The following PUM3 variants were observed in gnomAD, a reference collection of about 807,000 sequenced individuals.
PUM3 encodes the protein pumilio RNA binding family member 3, also known as pumilio homolog 3.
PUM3 carries 91 observed loss-of-function variants against 84.0 expected under a neutral mutation model. That is an observed-to-expected ratio of 1.08 (90% CI 0.91 to 1.29). The LOEUF (loss-of-function observed/expected upper bound fraction) is 1.29, where lower values mean the gene tolerates loss of function less well. Among genes scored for constraint, PUM3 ranks in the 50% most tolerant of loss-of-function variants. The pLI is 0.00. For missense variants in PUM3, 1,067 were observed against 767.5 expected (o/e 1.39, Z -4.61); for synonymous variants, 321 against 266.7 (o/e 1.20, Z -1.98).
chr9:2,837,158 G>A (rs756691390), intron 3 of PUM3, 22 bp downstream of exon 3: 1 of 1,594,992 alleles, frequency 6.3e-7, no homozygotes, highest in Non-Finnish European at 8.6e-7. Flanking sequence ...ACTAGTTCAG[G>A]CATGAACGAA....
chr9:2,840,724 C>A (rs980284163), intron 1 of PUM3, among the ~76,000 whole-genome samples: 1 of 152,170 alleles, frequency 6.6e-6, no homozygotes, highest in African/African-American at 2.4e-5. Context: ...GTCCTTTTGA[C>A]GCGGCCCAAC....
chr9:2,839,784 G>C (rs1378770663), intron 1 of PUM3, among the ~76,000 whole-genome samples: 1 of 152,174 alleles, frequency 6.6e-6, no homozygotes, highest in African/African-American at 2.4e-5. Flanking sequence ...TTCTACACCT[G>C]TAGTTTTCTA....
chr9:2,814,581 T>C (rs2129805924), intron 13 of PUM3, among the ~76,000 whole-genome samples: 1 of 152,332 alleles, frequency 6.6e-6, no homozygotes, highest in South Asian at 2.1e-4. Context: ...GCCTTTAGTG[T>C]ACCTTTAGGT....
At chr9:2,806,129 T>A (rs1487376025) in intron 17 of PUM3, among the ~76,000 whole-genome samples, 1 of 152,244 alleles carries the variant, frequency 6.6e-6, no homozygotes, top group East Asian at 1.9e-4. Context: ...ATGGGAGTTC[T>A]GATTGATGAA....
chr9:2,832,553 A>G (rs972548268), intron 5 of PUM3, among the ~76,000 whole-genome samples: 2 of 152,228 alleles, frequency 1.3e-5, no homozygotes, highest in African/African-American at 4.8e-5. Context: ...GGATTTGAAT[A>G]CCAAACTCAC....
rs1211469545 is a variant in PUM3 at position 2,833,901 on chromosome 9, G to A, written c.440+130C>T. The A allele has an allele frequency of 5.0e-6, 4 of 807,334 alleles. No individual in the cohort carries two copies. The African/African-American group carries it at 5.2e-5, about 10-fold the overall frequency. 50.0% of individuals were successfully genotyped at this position (807,334 alleles called of 1,614,324 possible). A position where few individuals can be genotyped will look rare whatever the true frequency, so the allele number is the denominator to read the frequency against. On this transcript the variant is annotated intron_variant, in intron 4 of 17. Transcript: ENST00000397885. ...TCCAAGTACTGATGTCTCTAATGGG[G>A]TGTCATGAGGACCCCCTCAATAACC...
chr9:2,825,727 G>A (rs998839352), intron 10 of PUM3, among the ~76,000 whole-genome samples: 32 of 151,994 alleles, frequency 2.1e-4, no homozygotes, highest in African/African-American at 6.3e-4. Context: ...TGATCTGCCC[G>A]CCTCGGGTTC....
At position 2,837,479 on chromosome 9, in the gene PUM3, A is replaced by G. The variant is rs1020122779; in HGVS notation, c.83-78T>C. Reference sequence around the variant, plus strand: ...ATCTATTGGATTATATCCATTACAGAAAATTATACTTTTTAATCCCAATAC... The same window carrying G: ...ATCTATTGGATTATATCCATTACAGGAAATTATACTTTTTAATCCCAATAC... On this transcript the variant is annotated intron_variant, in intron 2 of 17. Coordinates refer to ENST00000397885, the MANE Select transcript of PUM3 (RefSeq NM_014878.5). The G allele has an allele frequency of 1.1e-5, 10 of 941,094 alleles. No homozygotes were observed. In the South Asian group the frequency reaches 1.5e-4, roughly 14 times the overall value. The allele number at this position is 941,094 out of a possible 1,614,324, so 58.3% of individuals were successfully genotyped here.
At chr9:2,820,985 T>C (rs370227238) in intron 12 of PUM3, among the ~76,000 whole-genome samples, 1 of 152,216 alleles carries the variant, frequency 6.6e-6, no homozygotes, top group African/African-American at 2.4e-5. Context: ...TGATAGGAAT[T>C]TGATTTTTGA....
intron 16 of PUM3, among the ~76,000 whole-genome samples, chr9:2,809,369 T>C (rs1298829171): frequency 6.6e-6 from 1 of 152,240 alleles, no homozygotes; most frequent in Non-Finnish European, 1.5e-5. Flanking sequence ...TTTTCTGGCA[T>C]AAACTCAACT....
At chr9:2,838,367 C>T in intron 2 of PUM3, 59 bp downstream of exon 2, 1 of 1,105,778 alleles carries the variant, frequency 9.0e-7, no homozygotes, top group East Asian at 2.3e-5. Flanking sequence ...AAATTTACTA[C>T]ATGCCCTCCC....
Position 2,834,126 on chromosome 9 carries a change from C to A in PUM3, c.345G>T (p.Lys115Asn). 1 of 1,613,490 alleles carries A rather than the reference C, an allele frequency of 6.2e-7. No homozygotes were observed. Among genetic ancestry groups the A allele is most frequent in the Non-Finnish European group, 8.5e-7 (1 of 1,179,662 alleles). Residue 115 changes from lysine (K) to asparagine (N), a missense_variant, in exon 4 of 18, where the codon AAG (lysine) becomes AAT (asparagine). By Grantham distance (94) the Lys-to-Asn change is moderately conservative. Transcript: ENST00000397885. The part of the protein sequence containing the change: ...AKKPKWDDFK[K>N]KKKELKQSRQ... ...TGCTTTGCTTCAGTTCTTTCTTCTT[C>A]TTTTTGAAGTCATCCCATTTGGGCT...
At position 2,804,272 on chromosome 9, in the gene PUM3, T is replaced by C. The variant is rs77294014; in HGVS notation, c.*59A>G. 1.2e-3 allele frequency: 1,903 copies of C among 1,566,000 alleles called. 29 individuals carry two copies. In the African/African-American group the frequency reaches 0.022, roughly 18 times the overall value. ...TGGACCCTACCCCTTCTTTTCTGCA[T>C]TGGGAAACAGAACAGAGAACAGAAA... On this transcript the variant is annotated 3_prime_UTR_variant, in exon 18 of 18. Coordinates refer to ENST00000397885, the MANE Select transcript of PUM3 (RefSeq NM_014878.5).
Position 2,811,341 on chromosome 9 carries a change from G to A in PUM3, c.1635+20C>T, listed in dbSNP as rs764032456. The stretch of plus-strand genomic sequence containing the variant: ...TGTGGCCTTTGCAGCTTTCCTGCCT[G>A]TGCTTTAATGGCACATTACCTCTCC... On this transcript the variant is annotated intron_variant, in intron 15 of 17. Transcript: ENST00000397885. 2.5e-6 allele frequency: 4 copies of A among 1,610,428 alleles called. No homozygotes were observed. The highest frequency in any genetic ancestry group is 3.4e-6 in the Non-Finnish European group (4 of 1,177,572).
chr9:2,831,239 T>C lies in PUM3; in HGVS notation c.610+12A>G, dbSNP rs554571049. The C allele has an allele frequency of 1.3e-6, 2 of 1,492,146 alleles. No individual in the cohort carries two copies. The highest frequency in any genetic ancestry group is 1.8e-5 in the Admixed American group (1 of 57,124). 92.4% of individuals were successfully genotyped at this position (1,492,146 alleles called of 1,614,324 possible). The stretch of plus-strand genomic sequence containing the variant: ...GCAAATGATAACATAATCTTTAGTA[T>C]GTAATAAATACCTCGCAATTCTTCA... On this transcript the variant is annotated intron_variant, in intron 6 of 17. Coordinates refer to ENST00000397885, the MANE Select transcript of PUM3 (RefSeq NM_014878.5).
chr9:2,827,254 TG>T (rs1346467685), intron 9 of PUM3, 103 bp from the exon 10 acceptor site: 1 of 715,050 alleles, frequency 1.4e-6, no homozygotes, highest in African/African-American at 1.8e-5. Context: ...ACAAGTGAAA[TG>T]GTTTTACTGA....
chr9:2,813,702 C>T (rs1821413658), intron 13 of PUM3, among the ~76,000 whole-genome samples: 1 of 152,142 alleles, frequency 6.6e-6, no homozygotes, highest in African/African-American at 2.4e-5. Flanking sequence ...TCAAGTCAGC[C>T]ATCAACGATG....
intron 1 of PUM3, among the ~76,000 whole-genome samples, chr9:2,843,314 C>A (rs1160847439): frequency 1.3e-5 from 2 of 152,066 alleles, no homozygotes; most frequent in African/African-American, 4.8e-5. Flanking sequence ...TGAAGTACTC[C>A]CTGAGCTTCC....
intron 13 of PUM3, 110 bp downstream of exon 13, chr9:2,819,908 G>A (rs1821551629): frequency 3.3e-6 from 2 of 599,674 alleles, no homozygotes; most frequent in East Asian, 5.5e-5. Context: ...CAAAAATACT[G>A]ATAGAAGGCA....
Sources: gnomAD v4.1 joint callset for allele counts (sites outside exome capture counted in the v4.1 genomes callset) on GRCh38, gnomAD v4.1.1 for gene constraint, MANE v1.5 for transcripts, NCBI Gene and HGNC (gene_info 2026-07-23, HGNC 2026-07-21) for gene names.